The following SGCG variants were observed in gnomAD, a reference collection of about 807,000 sequenced individuals.
The protein encoded by SGCG is sarcoglycan gamma, also known as gamma-sarcoglycan.
A neutral mutation model predicts 29.3 loss-of-function variants in SGCG; 26 were observed. The observed-to-expected ratio is 0.89, with a 90% confidence interval of 0.65 to 1.23. The LOEUF (loss-of-function observed/expected upper bound fraction) is 1.23, where lower values mean the gene tolerates loss of function less well. Ranked by LOEUF, SGCG falls within the 50% of genes most tolerant of loss-of-function variation. The pLI is 0.00. For missense variants in SGCG, 353 were observed against 356.0 expected (o/e 0.99, Z 0.07); for synonymous variants, 145 against 129.7 (o/e 1.12, Z -0.80).
intron 1 of SGCG, among the ~76,000 whole-genome samples, chr13:23,193,823 G>T (rs1877377503): frequency 6.6e-6 from 1 of 152,054 alleles, no homozygotes; most frequent in African/African-American, 2.4e-5. Flanking sequence ...GGATCACCTT[G>T]AAAAATTGAA....
At chr13:23,192,703 T>C (rs1313043834) in intron 1 of SGCG, among the ~76,000 whole-genome samples, 1 of 152,130 alleles carries the variant, frequency 6.6e-6, no homozygotes, top group African/African-American at 2.4e-5. Context: ...GCTGGTAGGG[T>C]CTTTATTAAA....
chr13:23,227,073 T>G (rs1878927480), intron 2 of SGCG, among the ~76,000 whole-genome samples: 1 of 152,156 alleles, frequency 6.6e-6, no homozygotes, highest in African/African-American at 2.4e-5. Context: ...CTCTTTTTCC[T>G]AATTTTGGCA....
intron 6 of SGCG, 138 bp downstream of exon 6, chr13:23,295,625 AT>A: frequency 1.4e-6 from 1 of 722,778 alleles, no homozygotes. Context: ...CTTTCCGCTT[AT>A]AACTAGATAG....
chr13:23,288,275 C>T (rs9510675), intron 5 of SGCG, among the ~76,000 whole-genome samples: 126,480 of 151,994 alleles, frequency 0.83, 53,347 homozygotes, highest in Middle Eastern at 0.95. Context: ...GAAAGAAAAT[C>T]CAATTCTTTG....
intron 2 of SGCG, among the ~76,000 whole-genome samples, chr13:23,215,747 T>C (rs1321746315): frequency 6.6e-6 from 1 of 151,236 alleles, no homozygotes; most frequent in Non-Finnish European, 1.5e-5. Flanking sequence ...AATATGGAAA[T>C]AGGGATCCCA....
intron 4 of SGCG, among the ~76,000 whole-genome samples, chr13:23,254,313 CT>C (rs1880095278): frequency 6.6e-6 from 1 of 152,098 alleles, no homozygotes; most frequent in African/African-American, 2.4e-5. Context: ...TTATTGGGAC[CT>C]GGAATAAACA....
At chr13:23,276,957 A>G (rs980474765) in intron 4 of SGCG, among the ~76,000 whole-genome samples, 3 of 152,206 alleles carry the variant, frequency 2.0e-5, no homozygotes, top group Non-Finnish European at 4.4e-5. Context: ...GCACATTGTC[A>G]ATGCTTAGCA....
At chr13:23,291,461 G>T (rs780041424) in intron 5 of SGCG, among the ~76,000 whole-genome samples, 3 of 152,040 alleles carry the variant, frequency 2.0e-5, no homozygotes, top group Non-Finnish European at 4.4e-5. Context: ...CATTTCCTGA[G>T]AATCATTTTA....
At chr13:23,163,299 G>A in the SGCG span, among the ~76,000 whole-genome samples, 131 of 152,236 alleles carry the variant, frequency 8.6e-4, 1 homozygote, top group African/African-American at 2.9e-3. Context: ...TATTTATGCC[G>A]GAATAGGAAA....
chr13:23,247,741 T>C (rs1450178152), intron 3 of SGCG, among the ~76,000 whole-genome samples: 1 of 150,494 alleles, frequency 6.6e-6, no homozygotes, highest in African/African-American at 2.5e-5. Context: ...AGCCCAGGAA[T>C]TCAAGACCAG....
chr13:23,315,174 T>C (rs1480414614), intron 6 of SGCG, among the ~76,000 whole-genome samples: 1 of 152,208 alleles, frequency 6.6e-6, no homozygotes. Context: ...AGATAACTAC[T>C]GTCCTTTTGA....
At chr13:23,200,986 A>G (rs923027509) in intron 1 of SGCG, among the ~76,000 whole-genome samples, 51 of 152,226 alleles carry the variant, frequency 3.4e-4, no homozygotes, top group Non-Finnish European at 5.7e-4. Context: ...TCTGAGTGAA[A>G]TGGGAAGCCA....
chr13:23,255,798 T>C (rs1267575559), intron 4 of SGCG, among the ~76,000 whole-genome samples: 3 of 152,292 alleles, frequency 2.0e-5, no homozygotes, highest in African/African-American at 4.8e-5. Context: ...GACATAACAG[T>C]TTGTAGAGAA....
chr13:23,309,368 A>G (rs1185458469), intron 6 of SGCG, among the ~76,000 whole-genome samples: 1 of 152,116 alleles, frequency 6.6e-6, no homozygotes, highest in Non-Finnish European at 1.5e-5. Flanking sequence ...CAGCCTCCCA[A>G]GTAGCTGGAA....
chr13:23,191,174 G>A (rs487354), intron 1 of SGCG, among the ~76,000 whole-genome samples: 91,907 of 151,506 alleles, frequency 0.61, 28,818 homozygotes, highest in African/African-American at 0.78. Context: ...GCAGAGATCA[G>A]CCATAGTAAT....
At chr13:23,185,632 A>C (rs539711645) in intron 1 of SGCG, among the ~76,000 whole-genome samples, 1 of 152,338 alleles carries the variant, frequency 6.6e-6, no homozygotes, top group East Asian at 1.9e-4. Context: ...TAGGACAGCA[A>C]AGGCGGCAAA....
In SGCG at chr13:23,285,398, G is replaced by A. The variant is rs906620524; in HGVS notation, c.505+5920G>A. Among the ~76,000 whole-genome samples the A allele has an allele frequency of 2.0e-5, 3 of 152,184 alleles. No homozygotes were observed. The South Asian group carries it at 6.2e-4, about 32-fold the overall frequency. ...CTAGGTCAACCTTCTCAGCGGCTTT[G>A]TTTGCACTGTGAGGGGAAAACTGCT... On this transcript the variant is annotated intron_variant, in intron 5 of 7. Coordinates refer to ENST00000218867, the MANE Select transcript of SGCG (RefSeq NM_000231.3).
At chr13:23,224,665 T>TACACACACACACACACAC (rs60671278) in intron 2 of SGCG, among the ~76,000 whole-genome samples, 5,179 of 142,026 alleles carry the variant, frequency 0.036, 178 homozygotes, top group African/African-American at 0.093. Context: ...AGGGCACACA[T>TACACACACACACACACAC]ACACACACAC....
intron 3 of SGCG, among the ~76,000 whole-genome samples, chr13:23,236,868 T>C (rs1304733431): frequency 1.3e-5 from 2 of 152,120 alleles, no homozygotes; most frequent in Non-Finnish European, 2.9e-5. Flanking sequence ...TTGAATAATA[T>C]TATGTGATAA....
Sources: gnomAD v4.1 joint callset for allele counts (sites outside exome capture counted in the v4.1 genomes callset) on GRCh38, gnomAD v4.1.1 for gene constraint, MANE v1.5 for transcripts, NCBI Gene and HGNC (gene_info 2026-07-23, HGNC 2026-07-21) for gene names.